The following KDM4C variants were observed in gnomAD, a reference collection of about 807,000 sequenced individuals.
KDM4C encodes lysine-specific demethylase 4C.
KDM4C carries 81 observed loss-of-function variants against 129.3 expected under a neutral mutation model. The ratio of observed to expected loss-of-function variants is 0.63; its 90% CI spans 0.52 to 0.75. The LOEUF (loss-of-function observed/expected upper bound fraction) is 0.75. KDM4C is among the 30% of genes least tolerant of loss of function. The pLI is 0.00. For missense variants in KDM4C, 1,457 were observed against 1,304.0 expected (o/e 1.12, Z -1.81); for synonymous variants, 573 against 456.1 (o/e 1.26, Z -3.26).
At chr9:6,942,282 AGT>A (rs58676459) in intron 8 of KDM4C, among the ~76,000 whole-genome samples, 9,558 of 142,608 alleles carry the variant, frequency 0.067, 405 homozygotes, top group African/African-American at 0.13. Flanking sequence ...TAGCCCTCAA[AGT>A]GTGTGTGTGT....
intron 8 of KDM4C, among the ~76,000 whole-genome samples, chr9:6,906,596 C>A (rs911597117): frequency 2.0e-5 from 3 of 152,210 alleles, no homozygotes; most frequent in African/African-American, 7.2e-5. Flanking sequence ...CACATGCCGC[C>A]ATGACTGGCT....
intron 17 of KDM4C, among the ~76,000 whole-genome samples, chr9:7,063,723 G>T (rs943018962): frequency 6.6e-6 from 1 of 152,208 alleles, no homozygotes; most frequent in African/African-American, 2.4e-5. Context: ...AGACTTAGCA[G>T]TGTGGGACAG....
chr9:6,918,976 C>T (rs1052551665), intron 8 of KDM4C, among the ~76,000 whole-genome samples: 4 of 151,994 alleles, frequency 2.6e-5, no homozygotes, highest in African/African-American at 4.8e-5. Flanking sequence ...CTCAGCCTTC[C>T]GAGTAGCTGG....
upstream of KDM4C, among the ~76,000 whole-genome samples, chr9:6,756,375 A>T (rs923398764): frequency 1.3e-5 from 2 of 152,236 alleles, no homozygotes; most frequent in African/African-American, 4.8e-5. Flanking sequence ...CTGACGTTAC[A>T]TGCACACATT....
intron 1 of KDM4C, among the ~76,000 whole-genome samples, chr9:6,725,299 T>C (rs1817085543): frequency 1.3e-5 from 2 of 148,810 alleles, no homozygotes; most frequent in South Asian, 4.3e-4. Context: ...GGTGAACACA[T>C]TGGGCTCTTG....
At chr9:6,918,173 C>A (rs541603076) in intron 8 of KDM4C, among the ~76,000 whole-genome samples, 2 of 152,236 alleles carry the variant, frequency 1.3e-5, no homozygotes, top group South Asian at 4.1e-4. Flanking sequence ...TTGCCGTACT[C>A]CCTCTCTCAT....
intron 1 of KDM4C, among the ~76,000 whole-genome samples, chr9:6,752,262 G>A (rs559957053): frequency 7.1e-6 from 1 of 141,468 alleles, no homozygotes; most frequent in Non-Finnish European, 1.5e-5. Context: ...GAACCCGGGA[G>A]GCGGAGCTTG....
intron 20 of KDM4C, among the ~76,000 whole-genome samples, chr9:7,167,421 G>C (rs1359201121): frequency 6.6e-6 from 1 of 152,182 alleles, no homozygotes; most frequent in Non-Finnish European, 1.5e-5. Context: ...GATGTTTTAA[G>C]TGGTCTAAAA....
At chr9:6,932,984 C>T (rs900949136) in intron 8 of KDM4C, among the ~76,000 whole-genome samples, 12 of 151,746 alleles carry the variant, frequency 7.9e-5, no homozygotes, top group Admixed American at 6.6e-5. Flanking sequence ...TAAGAAAAAG[C>T]TGTTTATCTT....
intron 8 of KDM4C, among the ~76,000 whole-genome samples, chr9:6,967,131 T>C (rs201320216): frequency 1.3e-5 from 2 of 151,834 alleles, no homozygotes; most frequent in African/African-American, 2.4e-5. Context: ...CCAAAAATTA[T>C]ACAGACTCCT....
chr9:6,882,930 G>A (rs370382091), intron 6 of KDM4C, among the ~76,000 whole-genome samples: 1 of 152,152 alleles, frequency 6.6e-6, no homozygotes, highest in Non-Finnish European at 1.5e-5. Context: ...GGTAGATAAA[G>A]GTCAATGGGT....
chr9:6,745,670 A>T (rs897118928), intron 1 of KDM4C, among the ~76,000 whole-genome samples: 3 of 151,450 alleles, frequency 2.0e-5, no homozygotes, highest in Admixed American at 2.0e-4. Flanking sequence ...ACGGAGTCTC[A>T]CTCTGTTGCC....
At chr9:7,159,350 A>T (rs1253480962) in intron 19 of KDM4C, among the ~76,000 whole-genome samples, 1 of 152,108 alleles carries the variant, frequency 6.6e-6, no homozygotes, top group African/African-American at 2.4e-5. Flanking sequence ...TAATATTGTT[A>T]TGTGTGAATT....
At chr9:7,166,448 GTATGTGTGTA>G (rs1233192142) in intron 20 of KDM4C, among the ~76,000 whole-genome samples, 1 of 7,894 alleles carries the variant, frequency 1.3e-4, no homozygotes, top group Non-Finnish European at 2.4e-4. Flanking sequence ...CATTGTGTGT[GTATGTGTGTA>G]TGTGTGTCTG....
chr9:6,876,160 C>T (rs1220186242), intron 5 of KDM4C, among the ~76,000 whole-genome samples: 1 of 152,160 alleles, frequency 6.6e-6, no homozygotes, highest in Non-Finnish European at 1.5e-5. Flanking sequence ...TGAACTGATA[C>T]TTTTTGAACA....
intron 1 of KDM4C, among the ~76,000 whole-genome samples, chr9:6,743,140 A>C (rs1817756716): frequency 6.6e-6 from 1 of 152,210 alleles, no homozygotes; most frequent in African/African-American, 2.4e-5. Context: ...ATATGAAAAT[A>C]ATAAGGGATG....
intron 8 of KDM4C, among the ~76,000 whole-genome samples, chr9:6,966,163 A>G (rs752127185): frequency 6.6e-6 from 1 of 152,194 alleles, no homozygotes; most frequent in Non-Finnish European, 1.5e-5. Context: ...AAGATTTGGA[A>G]CAAAGTAAGA....
intron 1 of KDM4C, among the ~76,000 whole-genome samples, chr9:6,727,916 G>A (rs930166255): frequency 6.6e-6 from 1 of 151,326 alleles, no homozygotes; most frequent in South Asian, 2.1e-4. Flanking sequence ...AAAGCAAATG[G>A]ATAATGCTGG....
chr9:6,831,121 C>T (rs1034836960), intron 4 of KDM4C, among the ~76,000 whole-genome samples: 12 of 152,142 alleles, frequency 7.9e-5, no homozygotes, highest in African/African-American at 2.9e-4. Context: ...TATTTTAATC[C>T]ACTAGTCAGT....
Sources: gnomAD v4.1 joint callset for allele counts (sites outside exome capture counted in the v4.1 genomes callset) on GRCh38, gnomAD v4.1.1 for gene constraint, MANE v1.5 for transcripts, NCBI Gene and HGNC (gene_info 2026-07-23, HGNC 2026-07-21) for gene names.